Variants in RIF1 observed in about 807,000 individuals in gnomAD.
RIF1 encodes replication timing regulatory factor 1, also known as telomere-associated protein RIF1.
A neutral mutation model predicts 247.1 loss-of-function variants in RIF1; 45 were observed. The ratio of observed to expected loss-of-function variants is 0.18; its 90% CI spans 0.14 to 0.23. The LOEUF is 0.23. Ranked by LOEUF, RIF1 falls within the 10% of genes least tolerant of loss-of-function variation. The pLI is 1.00. For missense variants in RIF1, 2,967 were observed against 2,862.5 expected (o/e 1.04, Z -0.83); for synonymous variants, 1,087 against 978.8 (o/e 1.11, Z -2.06).
chr2:151,501,144 A>C lies in RIF1; in HGVS notation c.*709+1604A>C, dbSNP rs559228102. Among the ~76,000 whole-genome samples, 106 of 152,320 alleles carry C rather than the reference A, an allele frequency of 7.0e-4. 1 individual carries two copies. The highest frequency in any genetic ancestry group is 2.5e-3 in the African/African-American group (104 of 41,570). On this transcript the variant is annotated intron_variant and NMD_transcript_variant, in intron 11 of 13. Transcript: ENST00000454583. ...TTTCTGGAAATCAATTAACTTCAAC[A>C]GTCCCAACAACATAAAGATGAAAAG... is the stretch of plus-strand genomic sequence containing the variant.
downstream of RIF1, among the ~76,000 whole-genome samples, chr2:151,510,604 T>C (rs2073409214): frequency 6.6e-6 from 1 of 152,204 alleles, no homozygotes; most frequent in African/African-American, 2.4e-5. Flanking sequence ...GAGACCACAT[T>C]CATGTAACTA....
At chr2:151,440,444 A>T (rs924301654) in intron 15 of RIF1, among the ~76,000 whole-genome samples, 5 of 152,210 alleles carry the variant, frequency 3.3e-5, no homozygotes, top group African/African-American at 1.2e-4. Context: ...TTATGACAAG[A>T]TTGCTGAAAA....
At chr2:151,488,241 A>G (rs1020229639) in intron 9 of RIF1, among the ~76,000 whole-genome samples, 3 of 152,134 alleles carry the variant, frequency 2.0e-5, no homozygotes, top group African/African-American at 7.2e-5. Flanking sequence ...CCAGTCTGAC[A>G]TGTTTGTATT....
rs1368001057 is a variant in RIF1 at position 151,420,240 on chromosome 2, C to T, written c.554C>T (p.Ala185Val). Reference protein sequence around the residue: ...IQMGEEAVRWAKLVIPLVVHS... With the variant: ...IQMGEEAVRWVKLVIPLVVHS... ...ATGGGAGAAGAGGCAGTGAGGTGGG[C>T]AAAACTGGTCATACCTTTAGTGGTT... The change falls in exon 7 of 36, where the codon GCA becomes GTA. Residue 185 changes from alanine to valine, a missense_variant. Coordinates refer to ENST00000444746, the MANE Select transcript of RIF1 (RefSeq NM_018151.5). 3 of 1,613,812 alleles carry T rather than the reference C, an allele frequency of 1.9e-6. No individual in the cohort carries two copies. The highest frequency in any genetic ancestry group is 2.5e-6 in the Non-Finnish European group (3 of 1,179,976).
intron 2 of RIF1, among the ~76,000 whole-genome samples, 164 bp from the exon 3 acceptor site, chr2:151,411,096 A>G (rs1196651587): frequency 6.6e-6 from 1 of 152,170 alleles, no homozygotes; most frequent in Non-Finnish European, 1.5e-5. Flanking sequence ...TTTCTGATAT[A>G]TATTGCATTA....
intron 8 of RIF1, among the ~76,000 whole-genome samples, chr2:151,426,274 A>C (rs1432963693): frequency 5.7e-5 from 8 of 139,648 alleles, no homozygotes; most frequent in African/African-American, 2.1e-4. Context: ...TCCTGGGTCC[A>C]AGCGATTCTC....
chr2:151,519,808 C>T, the RIF1 span: 1 of 1,363,332 alleles, frequency 7.3e-7, no homozygotes, highest in Non-Finnish European at 1.0e-6. Context: ...TCCTGGACAT[C>T]AATCAATTTG....
intron 9 of RIF1, among the ~76,000 whole-genome samples, chr2:151,494,793 C>A (rs190319656): frequency 1.3e-5 from 2 of 152,094 alleles, no homozygotes; most frequent in Non-Finnish European, 2.9e-5. Flanking sequence ...GGATTACAGG[C>A]GTGCACCACC....
intron 33 of RIF1, 58 bp from the exon 34 acceptor site, chr2:151,469,653 G>A: frequency 7.8e-7 from 1 of 1,275,696 alleles, no homozygotes; most frequent in Non-Finnish European, 1.0e-6. Context: ...ATAAACCCTT[G>A]CAAATAGCAT....
At chr2:151,432,310 CT>C (rs1690317072) in intron 9 of RIF1, among the ~76,000 whole-genome samples, 1 of 152,118 alleles carries the variant, frequency 6.6e-6, no homozygotes, top group Admixed American at 6.6e-5. Flanking sequence ...ACGCCCAGCC[CT>C]TTTAAGGTCT....
At chr2:151,447,624 C>G (rs1693549246) in intron 20 of RIF1, among the ~76,000 whole-genome samples, 1 of 152,164 alleles carries the variant, frequency 6.6e-6, no homozygotes, top group Non-Finnish European at 1.5e-5. Flanking sequence ...CAGCTCACTG[C>G]AGCCTCCGCC....
rs1573847714 is a variant in RIF1 at position 151,414,955 on chromosome 2, T to C, written c.280+36T>C. ...TTCTTATGACTTAATATTTTTAGAG[T>C]ATAAAGTATAAGTTTTAAGTATAAG... is the stretch of plus-strand genomic sequence containing the variant. On this transcript the variant is annotated intron_variant, in intron 4 of 35. Coordinates refer to ENST00000444746, the MANE Select transcript of RIF1 (RefSeq NM_018151.5). 3.8e-6 allele frequency: 5 copies of C among 1,311,670 alleles called. 1 individual carries two copies. The Admixed American group carries it at 9.0e-5, about 24-fold the overall frequency. 81.3% of individuals were successfully genotyped at this position (1,311,670 alleles called of 1,614,324 possible). A position where few individuals can be genotyped will look rare whatever the true frequency, so the allele number is the denominator to read the frequency against.
rs1186287156 is a variant in RIF1 at position 151,461,298 on chromosome 2, G to A, written c.3227+9G>A. Reference sequence around the variant, plus strand: ...GTTCTCAAAACAAAGCGGTTTGTAGGCCTTTTATCTTGAGTTGGGTATTTG... The same window carrying A: ...GTTCTCAAAACAAAGCGGTTTGTAGACCTTTTATCTTGAGTTGGGTATTTG... On this transcript the variant is annotated intron_variant, in intron 27 of 35. Coordinates refer to ENST00000444746, the MANE Select transcript of RIF1 (RefSeq NM_018151.5). The A allele has an allele frequency of 1.2e-6, 2 of 1,609,730 alleles. No individual in the cohort carries two copies. The highest frequency in any genetic ancestry group is 1.3e-5 in the African/African-American group (1 of 74,626).
chr2:151,493,284 G>C (rs115730804), intron 9 of RIF1: 2 of 1,164,536 alleles, frequency 1.7e-6, no homozygotes, highest in African/African-American at 3.1e-5. Context: ...TGAGAAAGGC[G>C]TGTTTTTATG....
intron 6 of RIF1, among the ~76,000 whole-genome samples, chr2:151,419,677 C>A (rs545844448): frequency 1.3e-5 from 2 of 152,070 alleles, no homozygotes; most frequent in Admixed American, 1.3e-4. Flanking sequence ...TATGTAAATG[C>A]GCCGTACTTT....
At chr2:151,504,154 T>C (rs912814794) in intron 12 of RIF1, among the ~76,000 whole-genome samples, 1 of 152,190 alleles carries the variant, frequency 6.6e-6, no homozygotes, top group Non-Finnish European at 1.5e-5. Flanking sequence ...CCTAAAGGAC[T>C]GAATGAGTTC....
At chr2:151,462,208 G>A (rs1696297497) in intron 27 of RIF1, 34 bp from the exon 28 acceptor site, 2 of 1,368,428 alleles carry the variant, frequency 1.5e-6, no homozygotes, top group Non-Finnish European at 2.0e-6. Flanking sequence ...ATATCATCCG[G>A]TTTTTGAAGT....
chr2:151,452,261 T>C (rs116725000), intron 21 of RIF1, among the ~76,000 whole-genome samples: 320 of 152,346 alleles, frequency 2.1e-3, no homozygotes, highest in Middle Eastern at 3.4e-3. Context: ...TTTAAAACCA[T>C]ATGCCTTGGT....
chr2:151,515,749 T>A, the RIF1 span, among the ~76,000 whole-genome samples: 1 of 152,216 alleles, frequency 6.6e-6, no homozygotes, highest in Non-Finnish European at 1.5e-5. Context: ...CTCCTATAGA[T>A]CCTTTACTCA....
Sources: gnomAD v4.1 joint callset for allele counts (sites outside exome capture counted in the v4.1 genomes callset) on GRCh38, gnomAD v4.1.1 for gene constraint, MANE v1.5 for transcripts, NCBI Gene and HGNC (gene_info 2026-07-23, HGNC 2026-07-21) for gene names.